Variants in DIP2C observed in about 807,000 individuals in gnomAD.
The protein encoded by DIP2C is DIP2 acetate--CoA ligase C (putative), also known as disco-interacting protein 2 homolog C.
DIP2C carries 33 observed loss-of-function variants against 192.4 expected under a neutral mutation model. That is an observed-to-expected ratio of 0.17 (90% CI 0.13 to 0.23). DIP2C has a LOEUF of 0.23. Among genes scored for constraint, DIP2C ranks in the 10% least tolerant of loss-of-function variants. The pLI, the probability that DIP2C is intolerant of heterozygous loss-of-function variation, is 1.00. For synonymous variants in DIP2C, 979 were observed against 864.1 expected (o/e 1.13, Z -2.33); for missense variants, 1,537 against 2,110.1 (o/e 0.73, Z 5.32).
intron 1 of DIP2C, among the ~76,000 whole-genome samples, chr10:590,189 T>C (rs747037129): frequency 3.3e-5 from 5 of 152,214 alleles, no homozygotes; most frequent in South Asian, 2.1e-4. Flanking sequence ...AGCCTCTGCG[T>C]CCATGAACGA....
intron 22 of DIP2C, among the ~76,000 whole-genome samples, chr10:362,000 G>A (rs1219061427): frequency 6.6e-6 from 1 of 151,958 alleles, no homozygotes; most frequent in Non-Finnish European, 1.5e-5. Context: ...ACAGCCGTGT[G>A]TGGGAGGGGG....
chr10:346,659 G>A (rs569985755), intron 26 of DIP2C, among the ~76,000 whole-genome samples: 9 of 124,888 alleles, frequency 7.2e-5, no homozygotes, highest in Non-Finnish European at 1.1e-4. Context: ...GACATATCGC[G>A]TATAGTTCTC....
chr10:404,333 C>T (rs537121114), intron 9 of DIP2C, among the ~76,000 whole-genome samples: 30 of 152,044 alleles, frequency 2.0e-4, no homozygotes, highest in South Asian at 1.2e-3. Flanking sequence ...CTCAGCCTCC[C>T]GAATAGCTAG....
chr10:343,816 G>C (rs1419367106), intron 28 of DIP2C, among the ~76,000 whole-genome samples: 2 of 152,176 alleles, frequency 1.3e-5, no homozygotes, highest in Non-Finnish European at 2.9e-5. Context: ...ACTAAATACC[G>C]AGAGCTTGTG....
chr10:565,354 T>TAAAATAAAAAAAAAAAAAAAAAAA (rs376030794), intron 1 of DIP2C, among the ~76,000 whole-genome samples: 2 of 114,136 alleles, frequency 1.8e-5, no homozygotes, highest in African/African-American at 7.5e-5. Flanking sequence ...ACCTGCATTC[T>TAAAATAAAAAAAAAAAAAAAAAAA]AAAAAAAAAA....
At chr10:579,667 G>T (rs571037484) in intron 1 of DIP2C, among the ~76,000 whole-genome samples, 1 of 151,874 alleles carries the variant, frequency 6.6e-6, no homozygotes, top group African/African-American at 2.4e-5. Context: ...GATCCATAGT[G>T]TATGTACGTA....
At chr10:571,511 T>G (rs1279650558) in intron 1 of DIP2C, among the ~76,000 whole-genome samples, 2 of 148,864 alleles carry the variant, frequency 1.3e-5, no homozygotes, top group Non-Finnish European at 3.0e-5. Context: ...TTCACTTCCC[T>G]TCTTTCCTTT....
chr10:581,905 G>A (rs1046129950), intron 1 of DIP2C, among the ~76,000 whole-genome samples: 1 of 152,132 alleles, frequency 6.6e-6, no homozygotes, highest in African/African-American at 2.4e-5. Context: ...CACCAGCGAT[G>A]GGTTTACGTG....
chr10:491,209 A>G (rs539465373), intron 1 of DIP2C, among the ~76,000 whole-genome samples: 1 of 152,356 alleles, frequency 6.6e-6, no homozygotes, highest in Admixed American at 6.5e-5. Flanking sequence ...AGGGGATGAA[A>G]GAAACGGGCC....
chr10:568,060 C>T (rs1315858411), intron 1 of DIP2C, among the ~76,000 whole-genome samples: 1 of 152,242 alleles, frequency 6.6e-6, no homozygotes, highest in African/African-American at 2.4e-5. Flanking sequence ...CCGCAGTTCT[C>T]TGCACTAATG....
intron 26 of DIP2C, among the ~76,000 whole-genome samples, chr10:347,527 G>T (rs187082257): frequency 1.1e-4 from 6 of 53,886 alleles, no homozygotes; most frequent in African/African-American, 2.9e-4. Flanking sequence ...AACCCCACAC[G>T]CACCCAACCC....
Position 415,735 on chromosome 10 carries a change from T to C in DIP2C, c.859+34A>G, listed in dbSNP as rs537726590. The stretch of plus-strand genomic sequence containing the variant: ...CATTGTTTACGGGACCATAGGAGCA[T>C]CTGGAAGAAACGTGTGGTAAAGAGT... On this transcript the variant is annotated intron_variant, in intron 7 of 36. Transcript: ENST00000280886. 33 of 1,611,578 alleles carry C rather than the reference T, an allele frequency of 2.0e-5. No homozygotes were observed. The South Asian group carries it at 3.1e-4, about 15-fold the overall frequency.
At chr10:508,567 CA>C (rs1359588627) in intron 1 of DIP2C, among the ~76,000 whole-genome samples, 1 of 152,200 alleles carries the variant, frequency 6.6e-6, no homozygotes, top group Non-Finnish European at 1.5e-5. Flanking sequence ...AAGCTCTTCG[CA>C]GCAAAGACCA....
intron 1 of DIP2C, among the ~76,000 whole-genome samples, chr10:580,479 C>A (rs1234699480): frequency 6.6e-6 from 1 of 152,132 alleles, no homozygotes; most frequent in East Asian, 1.9e-4. Flanking sequence ...AGTACAGATA[C>A]ATGTCCAAAT....
At chr10:373,180 G>T (rs978702099) in intron 17 of DIP2C, among the ~76,000 whole-genome samples, 2 of 152,120 alleles carry the variant, frequency 1.3e-5, no homozygotes, top group African/African-American at 4.8e-5. Context: ...TCTGATCCCA[G>T]GACACTGAGT....
At chr10:368,561 C>G (rs1960576438) in intron 18 of DIP2C, among the ~76,000 whole-genome samples, 1 of 152,176 alleles carries the variant, frequency 6.6e-6, no homozygotes, top group Non-Finnish European at 1.5e-5. Flanking sequence ...TTATGCCAAA[C>G]AGGCCGAACA....
At chr10:378,881 G>A (rs774430833) in intron 17 of DIP2C, among the ~76,000 whole-genome samples, 19 of 150,860 alleles carry the variant, frequency 1.3e-4, no homozygotes, top group African/African-American at 2.2e-4. Flanking sequence ...CTAGACACAC[G>A]TGAACACAGA....
chr10:404,537 G>A (rs1964670537), intron 9 of DIP2C, among the ~76,000 whole-genome samples: 1 of 152,228 alleles, frequency 6.6e-6, no homozygotes, highest in African/African-American at 2.4e-5. Flanking sequence ...AATTTTTTAT[G>A]AAAAATGTCC....
chr10:540,344 C>G (rs867001893), intron 1 of DIP2C, among the ~76,000 whole-genome samples: 5 of 152,230 alleles, frequency 3.3e-5, no homozygotes, highest in African/African-American at 1.2e-4. Context: ...GGCAAGTGCC[C>G]CCGTCACAGG....
Sources: gnomAD v4.1 joint callset for allele counts (sites outside exome capture counted in the v4.1 genomes callset) on GRCh38, gnomAD v4.1.1 for gene constraint, MANE v1.5 for transcripts, NCBI Gene and HGNC (gene_info 2026-07-23, HGNC 2026-07-21) for gene names.